The following CDK17 variants were observed in gnomAD, a reference collection of about 807,000 sequenced individuals.
The protein encoded by CDK17 is cyclin-dependent kinase 17.
CDK17 carries 24 observed loss-of-function variants against 77.6 expected under a neutral mutation model. The ratio of observed to expected loss-of-function variants is 0.31; its 90% CI spans 0.22 to 0.44. CDK17 has a LOEUF of 0.44. Ranked by LOEUF, CDK17 falls within the 20% of genes least tolerant of loss-of-function variation. CDK17 has a pLI of 1.00. For missense variants in CDK17, 429 were observed against 622.5 expected, an observed-to-expected ratio of 0.69 and a Z score of 3.31; for synonymous variants, 203 against 210.4, an observed-to-expected ratio of 0.96 and a Z score of 0.30.
chr12:96,343,084 C>A (rs1290156491), intron 1 of CDK17, among the ~76,000 whole-genome samples: 2 of 152,156 alleles, frequency 1.3e-5, no homozygotes, highest in Admixed American at 6.5e-5. Context: ...TTCCTCCATT[C>A]AAAAATACCA....
intron 3 of CDK17, among the ~76,000 whole-genome samples, chr12:96,322,722 AG>A (rs1287622123): frequency 6.6e-6 from 1 of 152,260 alleles, no homozygotes; most frequent in Admixed American, 6.5e-5. Context: ...AATAGTTAAA[AG>A]TGGTAAAAAA....
rs1315290325 is a variant in CDK17, at chr12:96,335,166, T to C, written c.-29-301A>G. 3.3e-5 allele frequency: 14 copies of C among 420,962 alleles called. No homozygotes were observed. The Admixed American group carries it at 3.7e-4, about 11-fold the overall frequency. The allele number at this position is 420,962 out of a possible 1,614,324, so 26.1% of individuals were successfully genotyped here. On this transcript the variant is annotated intron_variant, in intron 1 of 16. Transcript: ENST00000261211. ...CTTAAAATGTGTATTTTAAAAACCA[T>C]TATAGTAAAATATCAATATTATTTT...
intron 3 of CDK17, among the ~76,000 whole-genome samples, chr12:96,322,042 A>G (rs950590219): frequency 2.0e-5 from 3 of 152,210 alleles, no homozygotes; most frequent in East Asian, 1.9e-4. Flanking sequence ...CTAATCTCAG[A>G]CTATGAATAA....
chr12:96,290,054 A>T (rs1300123210), intron 10 of CDK17, among the ~76,000 whole-genome samples: 1 of 152,320 alleles, frequency 6.6e-6, no homozygotes, highest in Admixed American at 6.5e-5. Flanking sequence ...AAAATCTCAT[A>T]ATGTTTTAAG....
At chr12:96,320,502 C>G (rs1271715749) in intron 3 of CDK17, among the ~76,000 whole-genome samples, 3 of 147,550 alleles carry the variant, frequency 2.0e-5, no homozygotes, top group African/African-American at 5.0e-5. Context: ...ATCGCCAAGT[C>G]AATCCTAAGC....
chr12:96,289,159 A>C lies in CDK17; in HGVS notation c.1118+8T>G. On this transcript the variant is annotated splice_region_variant and intron_variant, in intron 11 of 16. Coordinates refer to ENST00000261211, the MANE Select transcript of CDK17 (RefSeq NM_002595.5). Reference sequence around the variant, plus strand: ...TTATAAATGTCAGTGACATCTGTATATATTTACCACATGTCAATCTGTGTT... The same window carrying C: ...TTATAAATGTCAGTGACATCTGTATCTATTTACCACATGTCAATCTGTGTT... 6.2e-7 allele frequency: 1 copy of C among 1,613,666 alleles called. No individual in the cohort carries two copies. The highest frequency in any genetic ancestry group is 1.1e-5 in the South Asian group (1 of 91,078).
intron 10 of CDK17, among the ~76,000 whole-genome samples, chr12:96,291,695 T>C (rs1027247658): frequency 5.4e-5 from 8 of 147,380 alleles, no homozygotes; most frequent in Non-Finnish European, 1.0e-4. Context: ...CTTGGCTCAC[T>C]GCAACCTCCG....
At chr12:96,308,621 C>T (rs980879778) in intron 5 of CDK17, among the ~76,000 whole-genome samples, 8 of 150,444 alleles carry the variant, frequency 5.3e-5, no homozygotes, top group East Asian at 3.9e-4. Flanking sequence ...CCCAGCTACT[C>T]GGGAGGCTGA....
chr12:96,344,480 T>C (rs538828213), intron 1 of CDK17, among the ~76,000 whole-genome samples: 8 of 152,340 alleles, frequency 5.3e-5, no homozygotes, highest in Admixed American at 4.6e-4. Context: ...ACATGGGCTC[T>C]TCAGTAAGAT....
intron 14 of CDK17, among the ~76,000 whole-genome samples, chr12:96,283,058 T>C (rs1952197273): frequency 6.6e-6 from 1 of 152,112 alleles, no homozygotes; most frequent in Non-Finnish European, 1.5e-5. Flanking sequence ...GAATCATGAA[T>C]CATAACTGTT....
chr12:96,357,336 C>T (rs1237224888), intron 1 of CDK17, among the ~76,000 whole-genome samples: 2 of 152,000 alleles, frequency 1.3e-5, no homozygotes, highest in African/African-American at 4.8e-5. Flanking sequence ...GTGTCATGTG[C>T]CTGTAGTCCT....
intron 1 of CDK17, among the ~76,000 whole-genome samples, chr12:96,357,570 A>T (rs1359754906): frequency 6.6e-6 from 1 of 152,192 alleles, no homozygotes; most frequent in African/African-American, 2.4e-5. Flanking sequence ...CTCAAAGTAC[A>T]ACTACAGAAA....
At chr12:96,341,344 C>CACACGT (rs149595808) in intron 1 of CDK17, among the ~76,000 whole-genome samples, 25,869 of 149,562 alleles carry the variant, frequency 0.17, 2,944 homozygotes, top group Middle Eastern at 0.28. Flanking sequence ...CACACACACA[C>CACACGT]GTCTCATATA....
At chr12:96,303,888 G>A (rs1952540720) in intron 5 of CDK17, among the ~76,000 whole-genome samples, 1 of 152,138 alleles carries the variant, frequency 6.6e-6, no homozygotes, top group Non-Finnish European at 1.5e-5. Context: ...ATACTTCTAA[G>A]AACACCAGTG....
chr12:96,331,773 T>G (rs977200802), intron 2 of CDK17, among the ~76,000 whole-genome samples: 7 of 152,150 alleles, frequency 4.6e-5, no homozygotes, highest in African/African-American at 1.7e-4. Context: ...TTACCCCCAA[T>G]TAATGTGTTC....
chr12:96,333,286 T>C (rs1952996931), intron 2 of CDK17, among the ~76,000 whole-genome samples: 1 of 151,950 alleles, frequency 6.6e-6, no homozygotes, highest in East Asian at 1.9e-4. Flanking sequence ...AAATGTACAA[T>C]TTTCCCCTCC....
intron 5 of CDK17, among the ~76,000 whole-genome samples, chr12:96,310,600 AG>A (rs895633680): frequency 2.6e-5 from 4 of 151,832 alleles, no homozygotes; most frequent in African/African-American, 9.7e-5. Context: ...AGGGAACAGA[AG>A]GGGGTTTCTG....
At chr12:96,305,153 T>C (rs1027694058) in intron 5 of CDK17, among the ~76,000 whole-genome samples, 1 of 152,204 alleles carries the variant, frequency 6.6e-6, no homozygotes, top group Non-Finnish European at 1.5e-5. Context: ...AATATTTAAC[T>C]AAATATGTTG....
intron 1 of CDK17, among the ~76,000 whole-genome samples, chr12:96,352,824 T>C (rs767120625): frequency 6.6e-6 from 1 of 152,236 alleles, no homozygotes; most frequent in Non-Finnish European, 1.5e-5. Context: ...TTTCAAATTA[T>C]GGCTATTTTG....
Sources: gnomAD v4.1 joint callset for allele counts (sites outside exome capture counted in the v4.1 genomes callset) on GRCh38, gnomAD v4.1.1 for gene constraint, MANE v1.5 for transcripts, NCBI Gene and HGNC (gene_info 2026-07-23, HGNC 2026-07-21) for gene names.